NMNAT1: variants seen among roughly 807,000 people sequenced by gnomAD.
NMNAT1 encodes the protein nicotinamide/nicotinic acid mononucleotide adenylyltransferase 1.
In NMNAT1, 11 loss-of-function variants were observed where a neutral mutation model predicts 16.7. The observed-to-expected ratio is 0.66, with a 90% CI of 0.41 to 1.09. The LOEUF (loss-of-function observed/expected upper bound fraction) is 1.09. Ranked by LOEUF, NMNAT1 falls within the 50% of genes least tolerant of loss-of-function variation. NMNAT1 has a pLI of 0.00. For synonymous variants in NMNAT1, 110 were observed against 119.8 expected (o/e 0.92, Z 0.53); for missense variants, 280 against 332.3 (o/e 0.84, Z 1.22).
At chr1:9,968,080 G>GTTTTTTTTTTTGTTTTTTTTTTT (rs6143117) in intron 1 of NMNAT1, among the ~76,000 whole-genome samples, 1 of 117,774 alleles carries the variant, frequency 8.5e-6, no homozygotes, top group Non-Finnish European at 1.7e-5. Context: ...TTTTTTTTTT[G>GTTTTTTTTTTTGTTTTTTTTTTT]TTTTTTTTTG....
At chr1:9,968,377 A>G (rs945112141) in intron 1 of NMNAT1, among the ~76,000 whole-genome samples, 6 of 151,036 alleles carry the variant, frequency 4.0e-5, no homozygotes, top group Non-Finnish European at 8.9e-5. Context: ...TGGCCTGCCA[A>G]ATGTAGTTCT....
chr1:9,955,030 A>T (rs974566701), intron 1 of NMNAT1, among the ~76,000 whole-genome samples: 4 of 152,180 alleles, frequency 2.6e-5, no homozygotes, highest in Non-Finnish European at 4.4e-5. Flanking sequence ...CACGCCTGTA[A>T]TCCCAGCACT....
At chr1:9,962,122 A>G (rs1172039460) in intron 1 of NMNAT1, among the ~76,000 whole-genome samples, 1 of 151,714 alleles carries the variant, frequency 6.6e-6, no homozygotes, top group African/African-American at 2.4e-5. Context: ...TGCTTTTCCT[A>G]TCTTGTTTCA....
chr1:9,968,465 AT>A (rs569684599), intron 1 of NMNAT1, among the ~76,000 whole-genome samples: 78 of 150,398 alleles, frequency 5.2e-4, no homozygotes, highest in African/African-American at 1.9e-3. Flanking sequence ...CCTTTTTAAG[AT>A]TGATTAAAAA....
At chr1:9,988,692 A>G (rs1485545394), downstream of NMNAT1, among the ~76,000 whole-genome samples, 1 of 125,392 alleles carries the variant, frequency 8.0e-6, no homozygotes, top group Non-Finnish European at 1.6e-5. Flanking sequence ...TGACAGAGCG[A>G]GACTCCATCT....
At chr1:9,943,947 A>G (rs998506921) in intron 1 of NMNAT1, among the ~76,000 whole-genome samples, 1 of 152,148 alleles carries the variant, frequency 6.6e-6, no homozygotes, top group Non-Finnish European at 1.5e-5. Context: ...AATGAGCTGT[A>G]GGGCAGCTCT....
chr1:9,958,697 CA>C (rs1286955886), intron 1 of NMNAT1, among the ~76,000 whole-genome samples: 1 of 152,086 alleles, frequency 6.6e-6, no homozygotes, highest in Non-Finnish European at 1.5e-5. Flanking sequence ...CTCTGTCTCC[CA>C]AAGTACTGGG....
intron 1 of NMNAT1, among the ~76,000 whole-genome samples, chr1:9,945,334 T>C (rs982067239): frequency 5.7e-4 from 87 of 152,222 alleles, no homozygotes; most frequent in African/African-American, 2.0e-3. Flanking sequence ...GAAGTGTCAA[T>C]GTTTTGGGTA....
rs373464205 is a variant in NMNAT1, at chr1:9,967,295, T to C, written c.-56-4723T>C. The stretch of plus-strand genomic sequence containing the variant: ...AAGAATTTTCTCAAGCCATTAATAA[T>C]TGAAGGAAGAATAACAACATCGTCG... On this transcript the variant is annotated intron_variant, in intron 1 of 4. Coordinates refer to ENST00000377205, the MANE Select transcript of NMNAT1 (RefSeq NM_022787.4). 9.1e-5 allele frequency: 14 copies of C among 154,026 alleles called. No individual in the cohort carries two copies. In the South Asian group the frequency reaches 2.7e-3, roughly 29 times the overall value. The allele number at this position is 154,026 out of a possible 1,614,324, so 9.5% of individuals were successfully genotyped here. A position where few individuals can be genotyped will look rare whatever the true frequency, so the allele number is the denominator to read the frequency against.
chr1:9,974,511 C>T (rs772016868), intron 2 of NMNAT1, among the ~76,000 whole-genome samples: 5 of 151,898 alleles, frequency 3.3e-5, no homozygotes, highest in African/African-American at 4.8e-5. Flanking sequence ...GCCTCAGCCT[C>T]CGGAGTAGCT....
At chr1:9,957,571 G>A (rs1016221231) in intron 1 of NMNAT1, among the ~76,000 whole-genome samples, 19 of 152,202 alleles carry the variant, frequency 1.2e-4, no homozygotes, top group Admixed American at 1.2e-3. Flanking sequence ...GATTACAGGT[G>A]TGAGCCACCG....
At chr1:9,959,764 CTTGA>C (rs1193590186) in intron 1 of NMNAT1, among the ~76,000 whole-genome samples, 1 of 151,996 alleles carries the variant, frequency 6.6e-6, no homozygotes, top group East Asian at 1.9e-4. Context: ...TTAAATTCAC[CTTGA>C]TTATTTTATT....
Position 9,944,278 on chromosome 1 carries a change from C to T in NMNAT1, c.-57+763C>T, listed in dbSNP as rs1025033945. On this transcript the variant is annotated intron_variant, in intron 1 of 4. Coordinates refer to ENST00000377205, the MANE Select transcript of NMNAT1 (RefSeq NM_022787.4). ...CAAAAATAAAAATAAAAAAAAGTTA[C>T]CCTTGGCTGTCGCGGTGTGACACCT... Among the ~76,000 whole-genome samples the T allele has an allele frequency of 2.6e-5, 4 of 151,772 alleles. No individual in the cohort carries two copies. The East Asian group carries it at 5.8e-4, about 22-fold the overall frequency.
chr1:9,975,176 G>A (rs1641777589), intron 2 of NMNAT1, among the ~76,000 whole-genome samples: 1 of 152,058 alleles, frequency 6.6e-6, no homozygotes, highest in South Asian at 2.1e-4. Flanking sequence ...CTAATAAGCT[G>A]GAATCCCTAA....
chr1:9,996,757 C>T, the NMNAT1 span, among the ~76,000 whole-genome samples: 1 of 152,106 alleles, frequency 6.6e-6, no homozygotes, highest in Non-Finnish European at 1.5e-5. Flanking sequence ...AAAAGGCCAC[C>T]AGAGTCACAG....
chr1:9,946,385 C>G (rs1416055276), intron 1 of NMNAT1, among the ~76,000 whole-genome samples: 2 of 152,136 alleles, frequency 1.3e-5, no homozygotes, highest in Non-Finnish European at 2.9e-5. Flanking sequence ...AAAGTAACCT[C>G]CAGACTGGGA....
intron 1 of NMNAT1, among the ~76,000 whole-genome samples, chr1:9,945,395 A>G (rs192604693): frequency 6.6e-6 from 1 of 152,298 alleles, no homozygotes; most frequent in Non-Finnish European, 1.5e-5. Context: ...AAAACTGGAA[A>G]ATATACTTTA....
intron 3 of NMNAT1, among the ~76,000 whole-genome samples, chr1:9,980,678 A>G (rs994087093): frequency 2.0e-5 from 3 of 151,080 alleles, no homozygotes; most frequent in African/African-American, 7.3e-5. Flanking sequence ...TTTTTTTGAG[A>G]TGGAGTCTCA....
chr1:9,948,669 G>C (rs1641034593), intron 1 of NMNAT1, among the ~76,000 whole-genome samples: 1 of 148,584 alleles, frequency 6.7e-6, no homozygotes, highest in Non-Finnish European at 1.5e-5. Flanking sequence ...TTTTTTTTGA[G>C]ACAGAGTTTT....
Sources: gnomAD v4.1 joint callset for allele counts (sites outside exome capture counted in the v4.1 genomes callset) on GRCh38, gnomAD v4.1.1 for gene constraint, MANE v1.5 for transcripts, NCBI Gene and HGNC (gene_info 2026-07-23, HGNC 2026-07-21) for gene names.